FASTKD1: variants seen among roughly 807,000 people sequenced by gnomAD.
FASTKD1 encodes FAST kinase domains 1.
A neutral mutation model predicts 90.9 loss-of-function variants in FASTKD1; 94 were observed. That is an observed-to-expected ratio of 1.03 (90% CI 0.88 to 1.23). The LOEUF is 1.23. Among genes scored for constraint, FASTKD1 ranks in the 50% most tolerant of loss-of-function variants. The pLI, the probability that FASTKD1 is intolerant of heterozygous loss-of-function variation, is 0.00. For synonymous variants in FASTKD1, 319 were observed against 345.8 expected (o/e 0.92, Z 0.86); for missense variants, 945 against 993.5 (o/e 0.95, Z 0.66).
chr2:169,571,599 A>C, intron 2 of FASTKD1, 54 bp downstream of exon 2: 3 of 1,151,348 alleles, frequency 2.6e-6, no homozygotes, highest in Non-Finnish European at 3.6e-6. Flanking sequence ...TTTTTAGAAA[A>C]TTAAAATGTA....
At chr2:169,536,166 G>A (rs1030222187) in intron 12 of FASTKD1, among the ~76,000 whole-genome samples, 4 of 152,102 alleles carry the variant, frequency 2.6e-5, no homozygotes, top group Non-Finnish European at 5.9e-5. Context: ...TCCAAGGATA[G>A]TGTTAAATGC....
intron 12 of FASTKD1, 136 bp from the exon 13 acceptor site, chr2:169,531,626 T>C (rs1265659745): frequency 6.1e-6 from 4 of 652,318 alleles, no homozygotes; most frequent in Middle Eastern, 4.4e-4. Flanking sequence ...ACCTCTCAGA[T>C]TATCCAAGTT....
Position 169,528,648 on chromosome 2 carries a change from G to T in FASTKD1, c.*1177C>A, listed in dbSNP as rs944681675. Among the ~76,000 whole-genome samples, 1 of 152,172 alleles carries T rather than the reference G, an allele frequency of 6.6e-6. No homozygotes were observed. The highest frequency in any genetic ancestry group is 1.5e-5 in the Non-Finnish European group (1 of 68,038). ...TCTTTGCTTCCATTTAGGAGAAAAT[G>T]TATCTCCTCCCATTTTCTCTTGAAC... On this transcript the variant is annotated 3_prime_UTR_variant, in exon 15 of 15. Coordinates refer to ENST00000453153, the MANE Select transcript of FASTKD1 (RefSeq NM_024622.6).
rs1223131582 is a variant in FASTKD1, at chr2:169,563,259, C to T, written c.538G>A (p.Val180Ile). 5 of 1,611,642 alleles carry T rather than the reference C, an allele frequency of 3.1e-6. No homozygotes were observed. The highest frequency in any genetic ancestry group is 4.5e-5 in the East Asian group (2 of 44,800). Reference protein sequence around the residue: ...SPLMGKIADIVHRNLETTQDL... With the variant: ...SPLMGKIADIIHRNLETTQDL... ...TGTGTGGTTTCCAAGTTCCTATGAA[C>T]AATATCAGCTATTTTTCCCATTAAT... Residue 180 changes from valine (V) to isoleucine (I), a missense_variant, in exon 4 of 15, where the codon GTT becomes ATT. Transcript: ENST00000453153.
rs1684369967 is a variant in FASTKD1 at position 169,529,055 on chromosome 2, A to G, written c.*770T>C. 6.6e-6 allele frequency among the ~76,000 whole-genome samples: 1 copy of G among 152,020 alleles called. No individual in the cohort carries two copies. Among genetic ancestry groups the G allele is most frequent in the African/African-American group, 2.4e-5 (1 of 41,406 alleles). On this transcript the variant is annotated 3_prime_UTR_variant, in exon 15 of 15. Coordinates refer to ENST00000453153, the MANE Select transcript of FASTKD1 (RefSeq NM_024622.6). ...CATTGAATACTGCTGACATTTATAC[A>G]TTTATATCTGGGGCCTGGACCTCTT... is the stretch of plus-strand genomic sequence containing the variant.
intron 7 of FASTKD1, among the ~76,000 whole-genome samples, chr2:169,551,113 G>C (rs1226976175): frequency 6.6e-6 from 1 of 152,096 alleles, no homozygotes; most frequent in African/African-American, 2.4e-5. Context: ...CTGGGTTATA[G>C]GGGAAAAAAA....
chr2:169,560,835 A>AT, intron 4 of FASTKD1, 50 bp from the exon 5 acceptor site: 1 of 929,102 alleles, frequency 1.1e-6, no homozygotes, highest in Non-Finnish European at 1.4e-6. Context: ...AAGAATGATC[A>AT]ATTCTTTTTT....
intron 7 of FASTKD1, among the ~76,000 whole-genome samples, chr2:169,548,697 A>G (rs977436719): frequency 1.5e-5 from 2 of 132,148 alleles, no homozygotes; most frequent in African/African-American, 3.0e-5. Context: ...ACGCCACTGC[A>G]CTCCAGCCTG....
At chr2:169,546,729 T>C in intron 7 of FASTKD1, 25 bp from the exon 8 acceptor site, 2 of 1,579,678 alleles carry the variant, frequency 1.3e-6, no homozygotes, top group Non-Finnish European at 1.7e-6. Context: ...ATGAAAAGAA[T>C]ACATCAGCAA....
intron 3 of FASTKD1, among the ~76,000 whole-genome samples, chr2:169,568,316 T>C (rs531391031): frequency 2.0e-4 from 30 of 152,268 alleles, no homozygotes; most frequent in African/African-American, 7.2e-4. Context: ...TTTTTATTGA[T>C]AGCCAATTAA....
At chr2:169,548,413 T>C (rs1455729832) in intron 7 of FASTKD1, among the ~76,000 whole-genome samples, 1 of 116,624 alleles carries the variant, frequency 8.6e-6, no homozygotes, top group African/African-American at 3.2e-5. Flanking sequence ...ACCAGGACAA[T>C]AATTGTTAAA....
At chr2:169,558,276 T>G (rs78818478) in intron 5 of FASTKD1, among the ~76,000 whole-genome samples, 4,167 of 152,274 alleles carry the variant, frequency 0.027, 82 homozygotes, top group East Asian at 0.1. Flanking sequence ...CTTCGTCTGT[T>G]TTGAGATGGA....
intron 2 of FASTKD1, among the ~76,000 whole-genome samples, chr2:169,570,290 T>C (rs1276645315): frequency 2.0e-5 from 3 of 152,226 alleles, no homozygotes; most frequent in Admixed American, 2.0e-4. Flanking sequence ...TTTTGAAGGC[T>C]GGATTTCCTT....
chr2:169,535,038 A>G (rs1006125291), intron 12 of FASTKD1, among the ~76,000 whole-genome samples: 15 of 152,108 alleles, frequency 9.9e-5, no homozygotes, highest in Non-Finnish European at 1.9e-4. Flanking sequence ...AAAAATATTA[A>G]AAAGAGATGG....
chr2:169,531,248 G>C (rs1684470801), intron 13 of FASTKD1, 104 bp downstream of exon 13: 7 of 1,195,440 alleles, frequency 5.9e-6, no homozygotes, highest in Non-Finnish European at 7.5e-6. Flanking sequence ...TGACATATGA[G>C]GAACAGATTC....
chr2:169,571,540 G>T, intron 2 of FASTKD1, 113 bp downstream of exon 2: 1 of 752,374 alleles, frequency 1.3e-6, no homozygotes, highest in Non-Finnish European at 2.0e-6. Flanking sequence ...CTCCAGCCTG[G>T]GCGACAGAGA....
At chr2:169,543,979 G>A (rs570909591) in intron 9 of FASTKD1, among the ~76,000 whole-genome samples, 1 of 152,198 alleles carries the variant, frequency 6.6e-6, no homozygotes, top group Non-Finnish European at 1.5e-5. Context: ...AACATGAACT[G>A]TGTATTAGAT....
rs755078934 is a variant in FASTKD1 at position 169,540,078 on chromosome 2, A to T, written c.1918T>A (p.Leu640Ile). 34 of 1,602,702 alleles carry T rather than the reference A, an allele frequency of 2.1e-5. No homozygotes were observed. The highest frequency in any genetic ancestry group is 2.9e-5 in the Non-Finnish European group (34 of 1,174,578). ...TCAAGTTGAGAATCCAATCTAGCTA[A>T]GAATTTGATGTTAAAAATTGCCTTT... ...LLKAIFNIKF[L>I]ARLDSQLEIL... is the part of the protein sequence containing the mutation. Residue 640 changes from leucine (L) to isoleucine (I), a missense_variant, in exon 10 of 15, where the codon TTA (leucine) becomes ATA (isoleucine). Physicochemically the swap from Leu to Ile is conservative, Grantham distance 5. Coordinates refer to ENST00000453153, the MANE Select transcript of FASTKD1 (RefSeq NM_024622.6).
At chr2:169,570,114 C>G (rs77134597) in intron 2 of FASTKD1, among the ~76,000 whole-genome samples, 2 of 152,104 alleles carry the variant, frequency 1.3e-5, no homozygotes, top group Non-Finnish European at 2.9e-5. Flanking sequence ...CTCTAACTTA[C>G]GTAATGCTGA....
Sources: gnomAD v4.1 joint callset for allele counts (sites outside exome capture counted in the v4.1 genomes callset) on GRCh38, gnomAD v4.1.1 for gene constraint, MANE v1.5 for transcripts, NCBI Gene and HGNC (gene_info 2026-07-23, HGNC 2026-07-21) for gene names.